The following TDRD3 variants were observed in gnomAD, a reference collection of about 807,000 sequenced individuals.
The protein encoded by TDRD3 is tudor domain containing 3, also known as tudor domain-containing protein 3.
TDRD3 carries 45 observed loss-of-function variants against 86.7 expected under a neutral mutation model. That is an observed-to-expected ratio of 0.52 (90% CI 0.41 to 0.67). The LOEUF (loss-of-function observed/expected upper bound fraction) is 0.67. Among genes scored for constraint, TDRD3 ranks in the 30% least tolerant of loss-of-function variants. TDRD3 has a pLI of 0.00. For synonymous variants in TDRD3, 298 were observed against 301.7 expected (o/e 0.99, Z 0.13); for missense variants, 814 against 889.0 (o/e 0.92, Z 1.07).
At position 60,573,076 on chromosome 13, in the gene TDRD3, GTCT is replaced by G. The variant is rs1047999231; in HGVS notation, c.*10-536_*10-534del. On this transcript the variant is annotated intron_variant, in intron 13 of 13. Transcript: ENST00000377881. Reference sequence around the variant, plus strand: ...GCTAAAATAGGCCTGGAGCATACAAGTCTTCTCTCGCCATTTATCTCAGCTCTT... The same window carrying G: ...GCTAAAATAGGCCTGGAGCATACAAGTCTCTCGCCATTTATCTCAGCTCTT... Among the ~76,000 whole-genome samples, 239 of 152,332 alleles carry G rather than the reference GTCT, an allele frequency of 1.6e-3. 1 individual carries two copies. The highest frequency in any genetic ancestry group is 1.7e-3 in the Non-Finnish European group (118 of 68,038).
chr13:60,408,973 G>A (rs189790457), intron 1 of TDRD3, among the ~76,000 whole-genome samples: 7 of 152,264 alleles, frequency 4.6e-5, no homozygotes, highest in African/African-American at 7.2e-5. Context: ...AAGTGGCTTC[G>A]TGGGCTGGGC....
chr13:60,542,927 T>C (rs1329343036), intron 12 of TDRD3, among the ~76,000 whole-genome samples: 1 of 152,208 alleles, frequency 6.6e-6, no homozygotes, highest in Non-Finnish European at 1.5e-5. Flanking sequence ...CTGTTTATTC[T>C]AGCATCGTGT....
chr13:60,479,814 A>T (rs986169640), intron 5 of TDRD3, among the ~76,000 whole-genome samples: 1 of 152,186 alleles, frequency 6.6e-6, no homozygotes, highest in African/African-American at 2.4e-5. Flanking sequence ...ACAGAAGAAT[A>T]GTGACCCCTG....
chr13:60,481,000 G>A (rs1956299931), intron 5 of TDRD3, among the ~76,000 whole-genome samples: 1 of 152,070 alleles, frequency 6.6e-6, no homozygotes, highest in Admixed American at 6.5e-5. Context: ...ATTCTAATAG[G>A]GTGGCAGGGA....
intron 3 of TDRD3, among the ~76,000 whole-genome samples, chr13:60,447,861 G>A (rs1475752579): frequency 6.6e-6 from 1 of 152,108 alleles, no homozygotes; most frequent in Non-Finnish European, 1.5e-5. Context: ...TTGCGGGGAG[G>A]AGGGTGTCAT....
intron 3 of TDRD3, among the ~76,000 whole-genome samples, chr13:60,447,464 A>G (rs959176744): frequency 6.6e-6 from 1 of 152,220 alleles, no homozygotes; most frequent in African/African-American, 2.4e-5. Flanking sequence ...TAAATCCAGT[A>G]CAATGCATAT....
intron 1 of TDRD3, among the ~76,000 whole-genome samples, chr13:60,435,948 C>G (rs1555272732): frequency 9.2e-6 from 1 of 109,112 alleles, no homozygotes; most frequent in African/African-American, 2.7e-5. Context: ...TAATTATGGC[C>G]TTTCTTAGAG....
At chr13:60,511,101 C>T (rs767410353) in intron 10 of TDRD3, among the ~76,000 whole-genome samples, 10 of 152,030 alleles carry the variant, frequency 6.6e-5, no homozygotes, top group African/African-American at 9.7e-5. Flanking sequence ...TATATCTCTT[C>T]TTTCTCCCCA....
intron 11 of TDRD3, among the ~76,000 whole-genome samples, chr13:60,531,801 A>C (rs1454885087): frequency 6.6e-6 from 1 of 152,194 alleles, no homozygotes; most frequent in Non-Finnish European, 1.5e-5. Context: ...GCAGTGTCTA[A>C]TATCCTTTAA....
chr13:60,529,633 C>G (rs1245628489), intron 11 of TDRD3, among the ~76,000 whole-genome samples: 1 of 152,104 alleles, frequency 6.6e-6, no homozygotes, highest in East Asian at 1.9e-4. Flanking sequence ...GAAAATAGTA[C>G]ACATTCAGCT....
chr13:60,419,250 G>T (rs1376185514), intron 1 of TDRD3, among the ~76,000 whole-genome samples: 1 of 152,138 alleles, frequency 6.6e-6, no homozygotes, highest in Non-Finnish European at 1.5e-5. Flanking sequence ...CGTTCATCTG[G>T]TGTGAAATGG....
Position 60,458,709 on chromosome 13 carries a change from G to T in TDRD3, c.193-1671G>T, listed in dbSNP as rs140955457. Among the ~76,000 whole-genome samples the T allele has an allele frequency of 2.8e-4, 42 of 152,232 alleles. No individual in the cohort carries two copies. The East Asian group carries it at 8.1e-3, about 29-fold the overall frequency. ...TCTAACTCTGTGCTCTCCATATATA[G>T]AACACTTGAAATATGGCTAGTACGA... On this transcript the variant is annotated intron_variant, in intron 3 of 13. Coordinates refer to ENST00000377881, the MANE Select transcript of TDRD3 (RefSeq NM_001146070.2).
At chr13:60,404,262 C>T (rs1362642128) in intron 1 of TDRD3, among the ~76,000 whole-genome samples, 1 of 151,500 alleles carries the variant, frequency 6.6e-6, no homozygotes, top group African/African-American at 2.4e-5. Context: ...TTCATCAATG[C>T]ACTCATTCAA....
In TDRD3 at chr13:60,483,823, C is replaced by T. The variant is rs1956370564; in HGVS notation, c.544C>T (p.Pro182Ser). Residue 182 changes from proline (P) to serine (S), a missense_variant, in exon 6 of 14, where the codon CCG (proline) becomes TCG (serine). By Grantham distance (74) the Pro-to-Ser change is moderately conservative. Coordinates refer to ENST00000377881, the MANE Select transcript of TDRD3 (RefSeq NM_001146070.2). The part of the protein sequence containing the change: ...RSNIGTEGGP[P>S]PFVPFGQKCV... ...CAATATTGGAACTGAAGGTGGACCACCGCCTTTTGTGCCTTTTGGACAGGT... is the reference window on the plus strand; with the variant it reads ...CAATATTGGAACTGAAGGTGGACCATCGCCTTTTGTGCCTTTTGGACAGGT... The T allele has an allele frequency of 1.2e-6, 2 of 1,613,244 alleles. No individual in the cohort carries two copies. The highest frequency in any genetic ancestry group is 3.3e-5 in the Admixed American group (2 of 59,938).
intron 13 of TDRD3, among the ~76,000 whole-genome samples, chr13:60,570,665 G>T (rs1958567785): frequency 6.6e-6 from 1 of 152,162 alleles, no homozygotes; most frequent in African/African-American, 2.4e-5. Context: ...TTGCTGGAAG[G>T]CAGCCATTGT....
At chr13:60,475,866 C>T (rs577107225) in intron 5 of TDRD3, among the ~76,000 whole-genome samples, 1 of 152,220 alleles carries the variant, frequency 6.6e-6, no homozygotes, top group South Asian at 2.1e-4. Flanking sequence ...CGTTCATGTC[C>T]TTTGCCTATT....
intron 1 of TDRD3, among the ~76,000 whole-genome samples, chr13:60,412,409 G>A (rs1273228582): frequency 6.6e-6 from 1 of 152,024 alleles, no homozygotes; most frequent in Non-Finnish European, 1.5e-5. Flanking sequence ...TATTTTTAGT[G>A]ATAATCTTAC....
At position 60,509,859 on chromosome 13, in the gene TDRD3, G is replaced by C. The variant is rs549770869; in HGVS notation, c.955G>C (p.Ala319Pro). The C allele has an allele frequency of 6.2e-7, 1 of 1,613,856 alleles. No individual in the cohort carries two copies. The highest frequency in any genetic ancestry group is 2.2e-5 in the East Asian group (1 of 44,860). The change falls in exon 9 of 14, where the codon GCA becomes CCA. Residue 319 changes from alanine to proline, a missense_variant. Transcript: ENST00000377881. ...LMDNGNNLEA[A>P]LNVLLTSNKQ... is the part of the protein sequence containing the mutation. ...GGATAATGGCAACAACTTAGAAGCA[G>C]CACTGAACGTACTTCTTACAAGCAA...
At chr13:60,527,649 A>G (rs967772320) in intron 10 of TDRD3, among the ~76,000 whole-genome samples, 2 of 152,188 alleles carry the variant, frequency 1.3e-5, no homozygotes, top group African/African-American at 4.8e-5. Flanking sequence ...TTACCTTTCT[A>G]TATTTATCAC....
Sources: gnomAD v4.1 joint callset for allele counts (sites outside exome capture counted in the v4.1 genomes callset) on GRCh38, gnomAD v4.1.1 for gene constraint, MANE v1.5 for transcripts, NCBI Gene and HGNC (gene_info 2026-07-23, HGNC 2026-07-21) for gene names.